The following RBFOX2 variants were observed in gnomAD, a reference collection of about 807,000 sequenced individuals.
RBFOX2 encodes RNA binding fox-1 homolog 2.
RBFOX2 carries 10 observed loss-of-function variants against 49.1 expected under a neutral mutation model. The observed-to-expected ratio is 0.20, with a 90% CI of 0.13 to 0.35. The LOEUF is 0.35. RBFOX2 is among the 10% of genes least tolerant of loss of function. The probability of loss-of-function intolerance (pLI) is 1.00; values close to 1 mark genes in which losing one functional copy is unlikely to be tolerated. For synonymous variants in RBFOX2, 183 were observed against 187.4 expected, an observed-to-expected ratio of 0.98 and a Z score of 0.19; for missense variants, 323 against 486.9, an observed-to-expected ratio of 0.66 and a Z score of 3.17.
intron 1 of RBFOX2, among the ~76,000 whole-genome samples, chr22:35,973,121 C>T (rs1175369574): frequency 6.6e-6 from 1 of 152,130 alleles, no homozygotes; most frequent in African/African-American, 2.4e-5. Context: ...GAGAGATGTT[C>T]AAAGACAATG....
chr22:35,825,048 C>T (rs1452198540), intron 1 of RBFOX2, among the ~76,000 whole-genome samples: 4 of 152,136 alleles, frequency 2.6e-5, no homozygotes, highest in Admixed American at 6.6e-5. Context: ...GGCAAAACCC[C>T]GTCTCTACTA....
chr22:35,771,445 C>G (rs1241737371), intron 4 of RBFOX2, among the ~76,000 whole-genome samples: 1 of 152,140 alleles, frequency 6.6e-6, no homozygotes, highest in Non-Finnish European at 1.5e-5. Flanking sequence ...TCCTGAAGAA[C>G]CCAACACGTT....
At chr22:35,973,222 C>A (rs1184677971) in intron 1 of RBFOX2, among the ~76,000 whole-genome samples, 1 of 152,182 alleles carries the variant, frequency 6.6e-6, no homozygotes, top group African/African-American at 2.4e-5. Flanking sequence ...CTTTGACAGT[C>A]TACACCTTTT....
intron 1 of RBFOX2, among the ~76,000 whole-genome samples, chr22:35,932,679 G>C (rs551163877): frequency 6.6e-6 from 1 of 152,298 alleles, no homozygotes; most frequent in Admixed American, 6.5e-5. Context: ...TCAGAAGTTT[G>C]AGATCAGCCT....
At chr22:35,862,391 G>T (rs2043197462) in intron 1 of RBFOX2, among the ~76,000 whole-genome samples, 1 of 150,492 alleles carries the variant, frequency 6.6e-6, no homozygotes, top group Admixed American at 6.6e-5. Flanking sequence ...GGGGGGGAAT[G>T]ATAAAAGGAG....
intron 1 of RBFOX2, among the ~76,000 whole-genome samples, chr22:35,917,281 G>C (rs935926973): frequency 1.3e-5 from 2 of 152,216 alleles, no homozygotes; most frequent in African/African-American, 2.4e-5. Context: ...CCCAGCTTAA[G>C]TGTTCCACTG....
At chr22:35,784,396 G>C (rs555365188) in intron 2 of RBFOX2, among the ~76,000 whole-genome samples, 3 of 152,312 alleles carry the variant, frequency 2.0e-5, no homozygotes, top group African/African-American at 7.2e-5. Flanking sequence ...AGGGTGACTG[G>C]GTGCCTGCAG....
intron 1 of RBFOX2, among the ~76,000 whole-genome samples, chr22:36,010,394 CG>C (rs891820121): frequency 6.6e-6 from 1 of 152,004 alleles, no homozygotes; most frequent in African/African-American, 2.4e-5. Flanking sequence ...CTCTGTGACT[CG>C]GGCCACAGAG....
intron 1 of RBFOX2, among the ~76,000 whole-genome samples, chr22:35,900,951 C>G (rs757688647): frequency 5.3e-5 from 8 of 152,180 alleles, no homozygotes; most frequent in Non-Finnish European, 1.2e-4. Flanking sequence ...GGGATGTAAA[C>G]CACCCTGGAA....
chr22:36,012,454 C>T (rs1190665417), intron 1 of RBFOX2, among the ~76,000 whole-genome samples: 1 of 152,106 alleles, frequency 6.6e-6, no homozygotes, highest in African/African-American at 2.4e-5. Flanking sequence ...TAAAACATAA[C>T]ACGGAAGCTG....
At chr22:35,951,348 C>T (rs1349766870) in intron 1 of RBFOX2, among the ~76,000 whole-genome samples, 3 of 146,270 alleles carry the variant, frequency 2.1e-5, no homozygotes, top group East Asian at 4.0e-4. Context: ...CGGGTTCAAG[C>T]GATTCTCCTG....
chr22:35,809,879 G>T (rs764643832), exon 2 of RBFOX2: 3 of 1,613,884 alleles, frequency 1.9e-6, no homozygotes, highest in South Asian at 1.1e-5. Context: ...CGGTCTGGCC[G>T]GCATAGTCTT....
intron 1 of RBFOX2, among the ~76,000 whole-genome samples, chr22:36,020,742 A>G (rs2059213729): frequency 6.6e-6 from 1 of 152,188 alleles, no homozygotes; most frequent in African/African-American, 2.4e-5. Context: ...AAAGTCAGGA[A>G]ACAACAGGTG....
chr22:35,899,609 G>T (rs73413864), intron 1 of RBFOX2, among the ~76,000 whole-genome samples: 11,724 of 151,238 alleles, frequency 0.078, 476 homozygotes, highest in South Asian at 0.087. Flanking sequence ...GAACAAAGTG[G>T]TAGGAGAAGA....
chr22:35,775,858 A>AAAAAG, intron 4 of RBFOX2, among the ~76,000 whole-genome samples: 1 of 150,030 alleles, frequency 6.7e-6, no homozygotes, highest in South Asian at 2.1e-4. Flanking sequence ...AAAAAAAAAA[A>AAAAAG]AAAGAAAAGA....
chr22:35,957,943 C>T (rs1343074647), intron 1 of RBFOX2, among the ~76,000 whole-genome samples: 10 of 152,116 alleles, frequency 6.6e-5, no homozygotes, highest in Admixed American at 1.3e-4. Flanking sequence ...GAAGACTTCA[C>T]AAGCTTTGGC....
chr22:35,918,326 A>G (rs537117355), intron 1 of RBFOX2, among the ~76,000 whole-genome samples: 1 of 152,328 alleles, frequency 6.6e-6, no homozygotes, highest in Non-Finnish European at 1.5e-5. Context: ...AAATCAAGAA[A>G]GTAATTAACA....
chr22:35,739,738 G>A (rs1928884311), exon 12 of RBFOX2: 1 of 152,554 alleles, frequency 6.6e-6, no homozygotes, highest in Non-Finnish European at 1.5e-5. Context: ...CAGGGGGTGG[G>A]GAGAGAAAAG....
intron 1 of RBFOX2, among the ~76,000 whole-genome samples, chr22:35,933,508 C>T (rs1431657383): frequency 6.6e-6 from 1 of 152,076 alleles, no homozygotes; most frequent in African/African-American, 2.4e-5. Context: ...TTAGGCCACC[C>T]CAATGAAGCA....
Sources: gnomAD v4.1 joint callset for allele counts (sites outside exome capture counted in the v4.1 genomes callset) on GRCh38, gnomAD v4.1.1 for gene constraint, MANE v1.5 for transcripts, NCBI Gene and HGNC (gene_info 2026-07-23, HGNC 2026-07-21) for gene names.